Variants in SMYD3 observed in about 807,000 individuals in gnomAD.
SMYD3 encodes histone-lysine N-methyltransferase SMYD3.
A neutral mutation model predicts 57.7 loss-of-function variants in SMYD3; 36 were observed. That is an observed-to-expected ratio of 0.62 (90% CI 0.48 to 0.82). SMYD3 has a LOEUF of 0.82. Among genes scored for constraint, SMYD3 ranks in the 40% least tolerant of loss-of-function variants. The probability of loss-of-function intolerance (pLI) is 0.00; values close to 1 mark genes in which losing one functional copy is unlikely to be tolerated. For missense variants in SMYD3, 515 were observed against 538.8 expected (o/e 0.96, Z 0.44); for synonymous variants, 211 against 195.0 (o/e 1.08, Z -0.68).
intron 5 of SMYD3, among the ~76,000 whole-genome samples, chr1:246,271,517 G>C (rs1025805001): frequency 6.6e-5 from 10 of 152,100 alleles, no homozygotes; most frequent in African/African-American, 2.4e-4. Flanking sequence ...TTTGCATATG[G>C]ATACCCAGTT....
At chr1:246,415,139 A>G (rs775679778) in intron 1 of SMYD3, among the ~76,000 whole-genome samples, 2 of 152,220 alleles carry the variant, frequency 1.3e-5, no homozygotes, top group South Asian at 4.1e-4. Context: ...TGTAATGAAG[A>G]TAATAGCCAA....
intron 10 of SMYD3, among the ~76,000 whole-genome samples, chr1:245,775,736 A>AT (rs1558325080): frequency 1.3e-4 from 20 of 152,136 alleles, no homozygotes; most frequent in African/African-American, 4.8e-4. Context: ...AAAAATAAAA[A>AT]AAATAAATGG....
intron 1 of SMYD3, among the ~76,000 whole-genome samples, chr1:246,373,826 C>G (rs369504204): frequency 2.2e-4 from 34 of 152,230 alleles, no homozygotes; most frequent in African/African-American, 7.9e-4. Flanking sequence ...TGGAGTTAGT[C>G]AATCAAAACA....
chr1:245,955,906 C>A, intron 5 of SMYD3: 2 of 971,040 alleles, frequency 2.1e-6, no homozygotes, highest in Non-Finnish European at 2.4e-6. Flanking sequence ...AACATTATAT[C>A]CTAAGATTCA....
chr1:246,334,350 A>G (rs1235455674), intron 3 of SMYD3, among the ~76,000 whole-genome samples: 1 of 152,248 alleles, frequency 6.6e-6, no homozygotes, highest in Admixed American at 6.5e-5. Flanking sequence ...AAAATGTGAT[A>G]CATAAACACT....
chr1:246,209,439 T>C (rs1311528237), intron 5 of SMYD3, among the ~76,000 whole-genome samples: 2 of 152,134 alleles, frequency 1.3e-5, no homozygotes, highest in East Asian at 3.9e-4. Context: ...AGGGTATATA[T>C]AACAAGAGGG....
chr1:246,262,032 T>C (rs1572298344), intron 5 of SMYD3, among the ~76,000 whole-genome samples: 1 of 150,988 alleles, frequency 6.6e-6, no homozygotes. Flanking sequence ...TGCTGCTTGT[T>C]TATTCTTCCA....
chr1:246,362,998 A>G, intron 1 of SMYD3, among the ~76,000 whole-genome samples: 1 of 148,330 alleles, frequency 6.7e-6, no homozygotes, highest in Non-Finnish European at 1.5e-5. Flanking sequence ...CCCAGCCGCC[A>G]TCCCATCTAG....
At chr1:245,970,347 C>T (rs1173679877) in intron 5 of SMYD3, among the ~76,000 whole-genome samples, 1 of 152,116 alleles carries the variant, frequency 6.6e-6, no homozygotes, top group Non-Finnish European at 1.5e-5. Context: ...AGGCCTAAAA[C>T]CATAAAAACC....
intron 5 of SMYD3, among the ~76,000 whole-genome samples, chr1:246,295,263 T>C (rs924924526): frequency 1.3e-5 from 2 of 152,170 alleles, no homozygotes; most frequent in African/African-American, 4.8e-5. Flanking sequence ...ACTTAGTATC[T>C]CTTACAGATC....
intron 10 of SMYD3, among the ~76,000 whole-genome samples, chr1:245,830,771 A>T (rs1386591645): frequency 6.6e-6 from 1 of 152,170 alleles, no homozygotes; most frequent in African/African-American, 2.4e-5. Flanking sequence ...CTGTATGAAG[A>T]TTCACTAAAA....
intron 1 of SMYD3, among the ~76,000 whole-genome samples, chr1:246,400,901 T>C (rs553810278): frequency 9.8e-5 from 15 of 152,302 alleles, no homozygotes; most frequent in Non-Finnish European, 1.8e-4. Context: ...AACAGATTCA[T>C]GTGGAAAGAA....
chr1:246,036,674 C>T (rs1353288558), intron 5 of SMYD3, among the ~76,000 whole-genome samples: 7 of 149,694 alleles, frequency 4.7e-5, no homozygotes, highest in Non-Finnish European at 8.9e-5. Flanking sequence ...CTGCCTCAGC[C>T]TCCTGAGTAG....
rs191745584 is a variant in SMYD3 at position 246,260,708 on chromosome 1, G to A, written c.531+66493C>T. 2.5e-3 allele frequency among the ~76,000 whole-genome samples: 384 copies of A among 152,014 alleles called. 7 individuals are homozygous for A. The highest frequency in any genetic ancestry group is 0.022 in the Admixed American group (343 of 15,278). Reference sequence around the variant, plus strand: ...AGCCTCCCAAAGTGCTAGATTACCAGGCGTGAGCCACTGCGCCCAGCCCCA... The same window carrying A: ...AGCCTCCCAAAGTGCTAGATTACCAAGCGTGAGCCACTGCGCCCAGCCCCA... On this transcript the variant is annotated intron_variant, in intron 5 of 11. Transcript: ENST00000490107.
chr1:246,287,184 T>C (rs939368412), intron 5 of SMYD3, among the ~76,000 whole-genome samples: 1 of 152,176 alleles, frequency 6.6e-6, no homozygotes, highest in Non-Finnish European at 1.5e-5. Context: ...AAATAACATT[T>C]TAAAAAACAA....
chr1:246,491,454 C>G (rs942925571), intron 1 of SMYD3, among the ~76,000 whole-genome samples: 1 of 151,610 alleles, frequency 6.6e-6, no homozygotes, highest in African/African-American at 2.4e-5. Flanking sequence ...GCAGGAGAAT[C>G]GCTTGAACCC....
At chr1:246,070,973 A>T (rs1220223723) in intron 5 of SMYD3, among the ~76,000 whole-genome samples, 1 of 152,244 alleles carries the variant, frequency 6.6e-6, no homozygotes, top group Admixed American at 6.5e-5. Flanking sequence ...TAATTATTAC[A>T]GATTTCAAGT....
intron 5 of SMYD3, among the ~76,000 whole-genome samples, chr1:246,127,227 C>T (rs964924952): frequency 3.9e-5 from 6 of 151,934 alleles, no homozygotes; most frequent in African/African-American, 7.3e-5. Flanking sequence ...TTATTGTAAG[C>T]GGTCACAAGG....
chr1:246,362,623 A>T (rs2066013448), intron 1 of SMYD3, among the ~76,000 whole-genome samples: 1 of 152,160 alleles, frequency 6.6e-6, no homozygotes, highest in African/African-American at 2.4e-5. Context: ...GCCACGCCTG[A>T]CTGGTTTTCG....
Sources: allele counts gnomAD v4.1 joint callset (sites outside exome capture counted in the v4.1 genomes callset), GRCh38; gene constraint gnomAD v4.1.1; transcripts MANE v1.5; gene names NCBI Gene and HGNC (gene_info 2026-07-23, HGNC 2026-07-21).